The following CAMKMT variants were observed in gnomAD, a reference collection of about 807,000 sequenced individuals.
CAMKMT encodes the protein calmodulin-lysine N-methyltransferase, also known as CaM KMT.
CAMKMT carries 53 observed loss-of-function variants against 48.0 expected under a neutral mutation model. The ratio of observed to expected loss-of-function variants is 1.10; its 90% CI spans 0.89 to 1.39. The LOEUF (loss-of-function observed/expected upper bound fraction) is 1.39. CAMKMT is among the 40% of genes most tolerant of loss of function. The pLI is 0.00. For synonymous variants in CAMKMT, 165 were observed against 152.3 expected (o/e 1.08, Z -0.61); for missense variants, 428 against 402.7 (o/e 1.06, Z -0.54).
chr2:44,631,259 A>G (rs1672803525), intron 3 of CAMKMT, among the ~76,000 whole-genome samples: 2 of 152,108 alleles, frequency 1.3e-5, no homozygotes, highest in Non-Finnish European at 2.9e-5. Context: ...GGGTGGGGGT[A>G]AGGGGGAGGG....
intron 3 of CAMKMT, chr2:44,631,646 T>C (rs1291343327): frequency 2.3e-6 from 1 of 430,412 alleles, no homozygotes; most frequent in Non-Finnish European, 4.1e-6. Context: ...GTCTTGGATT[T>C]TGAGCCCATC....
chr2:44,594,194 C>G (rs958834576), intron 3 of CAMKMT, among the ~76,000 whole-genome samples: 1 of 152,196 alleles, frequency 6.6e-6, no homozygotes, highest in African/African-American at 2.4e-5. Flanking sequence ...ATTCCATGCT[C>G]ATGGATAGGA....
At chr2:44,753,957 G>T in intron 8 of CAMKMT, 98 bp from the exon 9 acceptor site, 1 of 800,218 alleles carries the variant, frequency 1.2e-6, no homozygotes, top group Non-Finnish European at 2.1e-6. Flanking sequence ...TTTTAGCGTT[G>T]GGTAAACATG....
intron 3 of CAMKMT, among the ~76,000 whole-genome samples, chr2:44,484,352 G>A (rs1669112423): frequency 6.6e-6 from 1 of 152,118 alleles, no homozygotes; most frequent in African/African-American, 2.4e-5. Flanking sequence ...CAGTAATTAA[G>A]ATAGCGTGGT....
chr2:44,701,438 G>A (rs1216377564), intron 3 of CAMKMT, among the ~76,000 whole-genome samples: 1 of 152,126 alleles, frequency 6.6e-6, no homozygotes, highest in African/African-American at 2.4e-5. Flanking sequence ...TCTGGGCAAG[G>A]CTTTGAGGAA....
intron 3 of CAMKMT, among the ~76,000 whole-genome samples, chr2:44,659,789 A>G (rs1674580874): frequency 6.6e-6 from 1 of 152,154 alleles, no homozygotes. Flanking sequence ...TATTTTACCT[A>G]AAATACTCAT....
chr2:44,689,007 T>A (rs756127626), intron 3 of CAMKMT, among the ~76,000 whole-genome samples: 4 of 152,212 alleles, frequency 2.6e-5, no homozygotes, highest in Non-Finnish European at 5.9e-5. Context: ...AGTGTTTACC[T>A]GCAAATGAGA....
chr2:44,395,387 T>C (rs1244849199), intron 3 of CAMKMT, among the ~76,000 whole-genome samples: 1 of 152,186 alleles, frequency 6.6e-6, no homozygotes, highest in Non-Finnish European at 1.5e-5. Context: ...AATGCATCTA[T>C]GTAGTGTATG....
At chr2:44,484,378 G>A (rs1370795871) in intron 3 of CAMKMT, among the ~76,000 whole-genome samples, 2 of 152,032 alleles carry the variant, frequency 1.3e-5, no homozygotes, top group Admixed American at 1.3e-4. Flanking sequence ...TGTAAGGATT[G>A]ATGAAAGTCA....
At chr2:44,453,493 A>G (rs915725279) in intron 3 of CAMKMT, among the ~76,000 whole-genome samples, 1 of 152,078 alleles carries the variant, frequency 6.6e-6, no homozygotes, top group Admixed American at 6.6e-5. Context: ...GTGCTTTGAC[A>G]GCCCATTACT....
At chr2:44,660,409 G>C (rs1243393217) in intron 3 of CAMKMT, among the ~76,000 whole-genome samples, 1 of 152,232 alleles carries the variant, frequency 6.6e-6, no homozygotes. Context: ...AACTGCTGCT[G>C]TATAGAAGAT....
chr2:44,725,377 TG>T (rs1678725589), intron 7 of CAMKMT, among the ~76,000 whole-genome samples: 1 of 152,292 alleles, frequency 6.6e-6, no homozygotes, highest in South Asian at 2.1e-4. Flanking sequence ...GGTACTATGA[TG>T]GGCTTTTTAT....
intron 9 of CAMKMT, among the ~76,000 whole-genome samples, chr2:44,760,219 C>A (rs1245145004): frequency 1.3e-5 from 2 of 152,092 alleles, no homozygotes; most frequent in African/African-American, 2.4e-5. Context: ...TCCCTAGAGG[C>A]AGTGGTGTCT....
At chr2:44,771,680 G>C (rs1573267139) in intron 10 of CAMKMT, among the ~76,000 whole-genome samples, 1 of 152,186 alleles carries the variant, frequency 6.6e-6, no homozygotes, top group Non-Finnish European at 1.5e-5. Flanking sequence ...GCATTGGTCA[G>C]AGGCAGAGGG....
chr2:44,608,761 C>T (rs550110297), intron 3 of CAMKMT, among the ~76,000 whole-genome samples: 1 of 152,174 alleles, frequency 6.6e-6, no homozygotes, highest in South Asian at 2.1e-4. Flanking sequence ...CCTCCTCCTC[C>T]CTCTTTTATT....
At chr2:44,469,060 G>A (rs1402091472) in intron 3 of CAMKMT, among the ~76,000 whole-genome samples, 1 of 152,090 alleles carries the variant, frequency 6.6e-6, no homozygotes, top group East Asian at 1.9e-4. Flanking sequence ...GGGAGAGGTT[G>A]GTTAATGTAT....
At chr2:44,722,564 A>G (rs887335861) in intron 7 of CAMKMT, among the ~76,000 whole-genome samples, 19 of 152,106 alleles carry the variant, frequency 1.2e-4, no homozygotes, top group African/African-American at 4.3e-4. Flanking sequence ...AACAATTTTT[A>G]CCCCATTATT....
intron 3 of CAMKMT, among the ~76,000 whole-genome samples, chr2:44,408,882 C>T (rs1026292390): frequency 3.3e-5 from 5 of 151,760 alleles, no homozygotes. Flanking sequence ...GCTGGGACTA[C>T]AGGTGCACAC....
At chr2:44,389,054 G>C (rs905304005) in intron 2 of CAMKMT, among the ~76,000 whole-genome samples, 1 of 152,090 alleles carries the variant, frequency 6.6e-6, no homozygotes, top group African/African-American at 2.4e-5. Context: ...GGTGGTGGGC[G>C]GGGCCCTAGA....
Sources: allele counts gnomAD v4.1 joint callset (sites outside exome capture counted in the v4.1 genomes callset), GRCh38; gene constraint gnomAD v4.1.1; transcripts MANE v1.5; gene names NCBI Gene and HGNC (gene_info 2026-07-23, HGNC 2026-07-21).